Variants in ESPN observed in about 807,000 individuals in gnomAD.
ESPN encodes the protein espin.
In ESPN, 68 loss-of-function variants were observed where a neutral mutation model predicts 77.7. The observed-to-expected ratio is 0.87, with a 90% CI of 0.72 to 1.07. ESPN has a LOEUF of 1.07. ESPN is among the 50% of genes least tolerant of loss of function. ESPN has a pLI of 0.00. For missense variants in ESPN, 1,060 were observed against 1,239.0 expected (o/e 0.86, Z 2.17); for synonymous variants, 449 against 567.1 (o/e 0.79, Z 2.96).
intron 2 of ESPN, among the ~76,000 whole-genome samples, chr1:6,436,438 T>A (rs886243511): frequency 6.6e-6 from 1 of 151,998 alleles, no homozygotes; most frequent in Non-Finnish European, 1.5e-5. Flanking sequence ...TTATTTACTA[T>A]TATTACTTTT....
Position 6,424,935 on chromosome 1 carries a change from C to T in ESPN, c.-21C>T. ...CTGGGGAAGGCGCTGAGTGCGGAGTCGCGGCGCCGCACGCGGCACCATGGC... is the reference window on the plus strand; with the variant it reads ...CTGGGGAAGGCGCTGAGTGCGGAGTTGCGGCGCCGCACGCGGCACCATGGC... On this transcript the variant is annotated 5_prime_UTR_variant, in exon 1 of 13. Coordinates refer to ENST00000645284, the MANE Select transcript of ESPN (RefSeq NM_031475.3). The T allele has an allele frequency of 1.4e-6, 2 of 1,437,926 alleles. No homozygotes were observed. The highest frequency in any genetic ancestry group is 1.8e-6 in the Non-Finnish European group (2 of 1,098,574). The allele number at this position is 1,437,926 out of a possible 1,614,324, so 89.1% of individuals were successfully genotyped here.
chr1:6,451,709 G>A lies in ESPN; in HGVS notation c.2022G>A (p.Leu674=), dbSNP rs2148538464. Residue 674 remains leucine, a synonymous_variant, in exon 9 of 13, where the codon CTG becomes CTA. Coordinates refer to ENST00000645284, the MANE Select transcript of ESPN (RefSeq NM_031475.3). The surrounding 1 kb of genome is among the most constrained non-coding windows in gnomAD (Gnocchi z 4.3). ...SLKPTPQSKG[L]TTVFSGIGQP... is the part of the protein sequence containing the mutation. ...AGCCGACGCCCCAGAGCAAGGGGCT[G>A]ACCACAGTGTTCTCAGGCATCGGGC... 6.2e-7 allele frequency: 1 copy of A among 1,612,986 alleles called. No individual in the cohort carries two copies. Among genetic ancestry groups the A allele is most frequent in the Non-Finnish European group, 8.5e-7 (1 of 1,179,896 alleles).
rs548336753 is a variant in ESPN at position 6,445,745 on chromosome 1, T to C, written c.1274T>C (p.Ile425Thr). 102 of 1,605,706 alleles carry C rather than the reference T, an allele frequency of 6.4e-5. No individual in the cohort carries two copies. In the East Asian group the frequency reaches 1.6e-3, roughly 26 times the overall value. Residue 425 changes from isoleucine to threonine, a missense_variant, in exon 7 of 13, where the codon ATT becomes ACT. This residue lies in a region of ESPN where 556 missense variants were observed against 633.6 expected (regional missense o/e 0.88). Transcript: ENST00000645284. The stretch of plus-strand genomic sequence containing the variant: ...GAGCTGGGCCTGCCTCGGGGCACGA[T>C]TGGGAAGCCCACACCCCCACCACCC... ...NPELGLPRGT[I>T]GKPTPPPPPP...
At chr1:6,441,195 CCT>C (rs1173487190) in intron 5 of ESPN, 130 bp downstream of exon 5, 1 of 1,298,744 alleles carries the variant, frequency 7.7e-7, no homozygotes, top group African/African-American at 1.5e-5. Context: ...CCCCACACGA[CCT>C]CTCAGCCCAG....
At position 6,450,675 on chromosome 1, in the gene ESPN, G is replaced by A. The variant is rs1376492424; in HGVS notation, c.1916-928G>A. Among the ~76,000 whole-genome samples the A allele has an allele frequency of 1.3e-5, 2 of 152,102 alleles. No homozygotes were observed. ...ATATGCACCCAAGCATTCTGCACCTGGCTGATGGTTTTGCCTAAATAAATG... is the reference window on the plus strand; with the variant it reads ...ATATGCACCCAAGCATTCTGCACCTAGCTGATGGTTTTGCCTAAATAAATG... On this transcript the variant is annotated intron_variant, in intron 8 of 12. Coordinates refer to ENST00000645284, the MANE Select transcript of ESPN (RefSeq NM_031475.3). The surrounding 1 kb of genome is among the most constrained non-coding windows in gnomAD (Gnocchi z 4.3).
intron 5 of ESPN, among the ~76,000 whole-genome samples, chr1:6,441,444 C>G (rs1325721112): frequency 6.6e-6 from 1 of 152,144 alleles, no homozygotes; most frequent in Admixed American, 6.5e-5. Context: ...AGTGAGTCTG[C>G]GGGGCACCAA....
At chr1:6,455,654 C>T (rs369862900) in intron 10 of ESPN, 22 of 399,274 alleles carry the variant, frequency 5.5e-5, no homozygotes, top group East Asian at 2.1e-4. Flanking sequence ...TCTTCATGCT[C>T]GGCTACTTCC....
At chr1:6,444,773 A>G in intron 6 of ESPN, 91 bp downstream of exon 6, 2 of 1,470,528 alleles carry the variant, frequency 1.4e-6, no homozygotes, top group Non-Finnish European at 1.9e-6. Flanking sequence ...GCCCTGCCAC[A>G]GCCAATATCG....
intron 2 of ESPN, among the ~76,000 whole-genome samples, chr1:6,431,026 C>G (rs1232153079): frequency 6.6e-6 from 1 of 152,210 alleles, no homozygotes; most frequent in Non-Finnish European, 1.5e-5. Flanking sequence ...GGTCCTGGAG[C>G]CCAGGAGCTC....
rs746062138 is a variant in ESPN, at chr1:6,445,862, C to T, written c.1391C>T (p.Pro464Leu). The T allele has an allele frequency of 9.3e-6, 15 of 1,610,394 alleles. No homozygotes were observed. The highest frequency in any genetic ancestry group is 8.8e-5 in the South Asian group (8 of 90,948). ...CCAGCTCCCAAGCCTCCTGTAGGAC[C>T]ACAGGCAGCTGACATCTACATGCAG... is the stretch of plus-strand genomic sequence containing the variant. ...GYPAPKPPVG[P>L]QAADIYMQTK... The change falls in exon 7 of 13, where the codon CCA (proline) becomes CTA (leucine). Residue 464 changes from proline (P) to leucine (L), a missense_variant. Pro to Leu is a moderately conservative substitution (Grantham distance 98). Transcript: ENST00000645284.
intron 2 of ESPN, among the ~76,000 whole-genome samples, chr1:6,435,069 G>T (rs772431512): frequency 6.6e-6 from 1 of 152,148 alleles, no homozygotes; most frequent in Non-Finnish European, 1.5e-5. Context: ...ACGGCCTGGG[G>T]TGTAGAACCT....
intron 10 of ESPN, chr1:6,455,173 A>G (rs1644028715): frequency 5.2e-6 from 2 of 388,340 alleles, no homozygotes; most frequent in South Asian, 1.3e-4. Context: ...CCCGAGGTAC[A>G]GGATCGCCAG....
intron 2 of ESPN, among the ~76,000 whole-genome samples, chr1:6,432,427 C>A (rs1436169329): frequency 2.6e-5 from 4 of 152,166 alleles, no homozygotes; most frequent in African/African-American, 9.7e-5. Context: ...TGGCTGCTGT[C>A]CTTGACCCCC....
intron 5 of ESPN, chr1:6,443,171 T>TG (rs1643706644): frequency 1.5e-5 from 2 of 131,990 alleles, no homozygotes; most frequent in Admixed American, 7.8e-5. Context: ...AAACTCTGTC[T>TG]AAAAAAAAAA....
rs1643878699 is a variant in ESPN at position 6,447,944 on chromosome 1, T to G, written c.1465-697T>G. 1 of 152,040 alleles carries G rather than the reference T, an allele frequency of 6.6e-6. No individual in the cohort carries two copies. Among genetic ancestry groups the G allele is most frequent in the Admixed American group, 6.5e-5 (1 of 15,268 alleles). 9.4% of individuals were successfully genotyped at this position (152,040 alleles called of 1,614,324 possible). A position where few individuals can be genotyped will look rare whatever the true frequency, so the allele number is the denominator to read the frequency against. ...CGCCCCCTGTGGCATCCGCGACGGC[T>G]GGGGGGGTTCAGCCTGGGATTGGCG... On this transcript the variant is annotated intron_variant, in intron 7 of 12. Coordinates refer to ENST00000645284, the MANE Select transcript of ESPN (RefSeq NM_031475.3). The surrounding 1 kb of genome is among the most constrained non-coding windows in gnomAD (Gnocchi z 5.2).
At position 6,458,957 on chromosome 1, in the gene ESPN, C is replaced by T. The variant is rs577257145; in HGVS notation, c.2418-1042C>T. Among the ~76,000 whole-genome samples, 15 of 123,138 alleles carry T rather than the reference C, an allele frequency of 1.2e-4. No individual in the cohort carries two copies. In the South Asian group the frequency reaches 2.2e-3, roughly 18 times the overall value. The allele number at this position is 123,138 out of a possible 152,430, so 80.8% of individuals were successfully genotyped here. On this transcript the variant is annotated intron_variant, in intron 12 of 12. Transcript: ENST00000645284. ...CAAAAAAAAAAAAAAATTAGCTGGG[C>T]GGGCTGGGCTCGGTGGCTCACGCCT...
At chr1:6,426,495 T>A (rs1247128530) in intron 1 of ESPN, among the ~76,000 whole-genome samples, 1 of 150,536 alleles carries the variant, frequency 6.6e-6, no homozygotes, top group Non-Finnish European at 1.5e-5. Context: ...GTGGGGGGGA[T>A]GACCTGGATC....
chr1:6,425,272 G>T, intron 1 of ESPN, 23 bp downstream of exon 1: 7 of 1,565,048 alleles, frequency 4.5e-6, no homozygotes, highest in Non-Finnish European at 5.2e-6. Context: ...GGTTCGCCAG[G>T]GGCACTGAGG....
Position 6,448,812 on chromosome 1 carries a change from C to T in ESPN, c.1636C>T (p.Arg546Cys), listed in dbSNP as rs138198721. The change falls in exon 8 of 13, where the codon CGC becomes TGC. Residue 546 changes from arginine to cysteine, a missense_variant. Physicochemically the swap from Arg to Cys is radical, Grantham distance 180. Transcript: ENST00000645284. ...GGCGCACAGCGAGGAGGTGCGTGCC[C>T]GCCAGCCCGCGCGCGCCGGCTGCCC... ...GMAHSEEVRA[R>C]QPARAGCPRL... The T allele has an allele frequency of 0.093, 116,576 of 1,251,918 alleles. 12,914 individuals carry two copies. The highest frequency in any genetic ancestry group is 0.55 in the African/African-American group (35,386 of 64,216). 77.6% of individuals were successfully genotyped at this position (1,251,918 alleles called of 1,614,324 possible).
Sources: gnomAD v4.1 joint callset for allele counts (sites outside exome capture counted in the v4.1 genomes callset) on GRCh38, gnomAD v4.1.1 for gene constraint, gnomAD v4.1.1 regional missense constraint, Gnocchi (gnomAD v3.1) non-coding constraint, MANE v1.5 for transcripts, NCBI Gene and HGNC (gene_info 2026-07-23, HGNC 2026-07-21) for gene names.